The following PALM2AKAP2 variants were observed in gnomAD, a reference collection of about 807,000 sequenced individuals.
The protein encoded by PALM2AKAP2 is PALM2 and AKAP2 fusion, also known as PALM2-AKAP2 fusion protein.
In PALM2AKAP2, 37 loss-of-function variants were observed where a neutral mutation model predicts 71.5. The ratio of observed to expected loss-of-function variants is 0.52; its 90% confidence interval spans 0.40 to 0.68. The LOEUF (loss-of-function observed/expected upper bound fraction) is 0.68, where lower values mean the gene tolerates loss of function less well. Among genes scored for constraint, PALM2AKAP2 ranks in the 30% least tolerant of loss-of-function variants. The pLI is 0.00. For missense variants in PALM2AKAP2, 1,224 were observed against 1,191.8 expected (o/e 1.03, Z -0.40); for synonymous variants, 468 against 478.8 (o/e 0.98, Z 0.29).
chr9:110,097,909 G>A (rs1234487206), intron 1 of PALM2AKAP2, among the ~76,000 whole-genome samples: 1 of 140,740 alleles, frequency 7.1e-6, no homozygotes, highest in Admixed American at 6.8e-5. Context: ...CTGCAATCCC[G>A]GCACCTCGGG....
chr9:110,135,087 G>A (rs546747908), intron 1 of PALM2AKAP2, among the ~76,000 whole-genome samples: 18 of 144,174 alleles, frequency 1.2e-4, no homozygotes, highest in Non-Finnish European at 1.7e-4. Flanking sequence ...AGGCTGAGGC[G>A]GGCAGATTAC....
In PALM2AKAP2 at chr9:109,684,496, TAGG is replaced by T. The variant is rs536903903; in HGVS notation, c.5+43633_5+43635del. 1.1e-4 allele frequency among the ~76,000 whole-genome samples: 16 copies of T among 152,200 alleles called. No individual in the cohort carries two copies. The South Asian group carries it at 2.9e-3, about 28-fold the overall frequency. The stretch of plus-strand genomic sequence containing the variant: ...AAACTGCAGGGGGCAGGCAAGGAAA[TAGG>T]AGCTGTCACCTAGAGCAGAATTTTT... On this transcript the variant is annotated intron_variant, in intron 1 of 6. Transcript: ENST00000374531.
At chr9:109,944,976 C>T (rs1047767962) in intron 6 of PALM2AKAP2, 1 of 152,084 alleles carries the variant, frequency 6.6e-6, no homozygotes, top group African/African-American at 2.4e-5. Flanking sequence ...TTTGAAAAAA[C>T]ATATGATATA....
At chr9:109,753,576 T>A (rs868087022) in intron 1 of PALM2AKAP2, among the ~76,000 whole-genome samples, 2 of 152,306 alleles carry the variant, frequency 1.3e-5, no homozygotes, top group South Asian at 4.1e-4. Flanking sequence ...CAAGCCACGT[T>A]GACAGTTTCT....
chr9:109,835,690 G>T (rs964634397), intron 1 of PALM2AKAP2, among the ~76,000 whole-genome samples: 1 of 152,122 alleles, frequency 6.6e-6, no homozygotes, highest in African/African-American at 2.4e-5. Flanking sequence ...CTAATACTAC[G>T]CTTTTCCAAT....
At chr9:109,855,288 G>T (rs1430270413) in intron 1 of PALM2AKAP2, among the ~76,000 whole-genome samples, 3 of 151,240 alleles carry the variant, frequency 2.0e-5, no homozygotes, top group African/African-American at 7.3e-5. Context: ...GCCCAGGCTG[G>T]TCTCGAACTC....
chr9:109,737,108 C>T (rs1828648363), intron 1 of PALM2AKAP2, among the ~76,000 whole-genome samples: 1 of 152,208 alleles, frequency 6.6e-6, no homozygotes, highest in Non-Finnish European at 1.5e-5. Flanking sequence ...AGCGTTCTTT[C>T]TCATTCTAAA....
intron 2 of PALM2AKAP2, among the ~76,000 whole-genome samples, chr9:110,154,725 G>A (rs555366192): frequency 1.9e-4 from 29 of 152,220 alleles, no homozygotes; most frequent in African/African-American, 4.8e-4. Flanking sequence ...TGTTATTAAT[G>A]TAATGTGGCC....
At chr9:110,153,854 C>A (rs568584840) in intron 2 of PALM2AKAP2, among the ~76,000 whole-genome samples, 4 of 152,274 alleles carry the variant, frequency 2.6e-5, no homozygotes, top group East Asian at 3.9e-4. Context: ...GTGAAAATGG[C>A]CTTCACAGAA....
chr9:109,849,793 G>A (rs966437981), intron 1 of PALM2AKAP2, among the ~76,000 whole-genome samples: 1 of 151,988 alleles, frequency 6.6e-6, no homozygotes, highest in Non-Finnish European at 1.5e-5. Flanking sequence ...CAAATAAACG[G>A]AAAGAGAGAG....
At chr9:110,000,630 C>G (rs1313148832) in intron 6 of PALM2AKAP2, among the ~76,000 whole-genome samples, 1 of 152,224 alleles carries the variant, frequency 6.6e-6, no homozygotes, top group Non-Finnish European at 1.5e-5. Context: ...GTCCCACCAA[C>G]AGTGTAAAAG....
At chr9:110,056,263 A>G (rs1833838568) in intron 1 of PALM2AKAP2, among the ~76,000 whole-genome samples, 1 of 152,220 alleles carries the variant, frequency 6.6e-6, no homozygotes, top group African/African-American at 2.4e-5. Context: ...TGACTGCGTC[A>G]GCTTACATTA....
At chr9:109,918,284 G>A (rs1830741253) in intron 3 of PALM2AKAP2, among the ~76,000 whole-genome samples, 1 of 152,196 alleles carries the variant, frequency 6.6e-6, no homozygotes, top group Non-Finnish European at 1.5e-5. Flanking sequence ...ACTTCCCAGA[G>A]CGAGAGTTCC....
chr9:110,170,542 C>T (rs1249096703), exon 4 of PALM2AKAP2: 1 of 152,214 alleles, frequency 6.6e-6, no homozygotes, highest in Non-Finnish European at 1.5e-5. Context: ...CTTGAAGCCA[C>T]ATCCTACAGA....
At chr9:109,741,321 T>C (rs1169992311) in intron 1 of PALM2AKAP2, among the ~76,000 whole-genome samples, 1 of 152,234 alleles carries the variant, frequency 6.6e-6, no homozygotes, top group African/African-American at 2.4e-5. Context: ...AGTACTCCAT[T>C]GTGTAATTAT....
intron 1 of PALM2AKAP2, among the ~76,000 whole-genome samples, chr9:109,741,276 G>A (rs1420941625): frequency 6.6e-6 from 1 of 152,150 alleles, no homozygotes; most frequent in Non-Finnish European, 1.5e-5. Flanking sequence ...AGATTCACCT[G>A]TGTTGTTGCA....
Position 110,048,754 on chromosome 9 carries a change from C to T in PALM2AKAP2, c.55C>T (p.Pro19Ser), listed in dbSNP as rs1463431722. Residue 19 changes from proline (P) to serine (S), a missense_variant, in exon 1 of 4, where the codon CCC becomes TCC. Transcript: ENST00000374525. ...TCGCCTTCCCCCGGAGTCTCCTGGACCCCCGGAGTCTCCTGGACCCCCGGA... is the reference window on the plus strand; with the variant it reads ...TCGCCTTCCCCCGGAGTCTCCTGGATCCCCGGAGTCTCCTGGACCCCCGGA... 1.3e-5 allele frequency: 20 copies of T among 1,525,906 alleles called. No homozygotes were observed. The East Asian group carries it at 2.7e-4, about 21-fold the overall frequency. 94.5% of individuals were successfully genotyped at this position (1,525,906 alleles called of 1,614,324 possible). A position where few individuals can be genotyped will look rare whatever the true frequency, so the allele number is the denominator to read the frequency against.
At chr9:109,738,281 G>A (rs182695237) in intron 1 of PALM2AKAP2, among the ~76,000 whole-genome samples, 10 of 152,288 alleles carry the variant, frequency 6.6e-5, no homozygotes, top group African/African-American at 1.4e-4. Flanking sequence ...AGAGCCTGCC[G>A]CTGAGAACTT....
chr9:109,687,981 G>A (rs972476640), intron 1 of PALM2AKAP2, among the ~76,000 whole-genome samples: 1 of 152,206 alleles, frequency 6.6e-6, no homozygotes, highest in Admixed American at 6.5e-5. Flanking sequence ...AGGAATGGTT[G>A]ATCAGTGGAG....
Sources: allele counts gnomAD v4.1 joint callset (sites outside exome capture counted in the v4.1 genomes callset), GRCh38; gene constraint gnomAD v4.1.1; transcripts MANE v1.5; gene names NCBI Gene and HGNC (gene_info 2026-07-23, HGNC 2026-07-21).